The following CCDC69 variants were observed in gnomAD, a reference collection of about 807,000 sequenced individuals.
CCDC69 encodes coiled-coil domain containing 69, also known as coiled-coil domain-containing protein 69.
Under a neutral mutation model 40.3 loss-of-function variants are expected in CCDC69, and 38 were observed. That is an observed-to-expected ratio of 0.94 (90% CI 0.73 to 1.24). The LOEUF (loss-of-function observed/expected upper bound fraction) is 1.24, where lower values mean the gene tolerates loss of function less well. Among genes scored for constraint, CCDC69 ranks in the 50% most tolerant of loss-of-function variants. The probability of loss-of-function intolerance (pLI) is 0.00; values close to 1 mark genes in which losing one functional copy is unlikely to be tolerated. For missense variants in CCDC69, 389 were observed against 357.9 expected, an observed-to-expected ratio of 1.09 and a Z score of -0.70; for synonymous variants, 141 against 138.9, an observed-to-expected ratio of 1.02 and a Z score of -0.11.
Position 151,182,948 on chromosome 5 carries a change from A to T in CCDC69, c.*489T>A. 4.6e-6 allele frequency: 2 copies of T among 435,378 alleles called. No individual in the cohort carries two copies. Among genetic ancestry groups the T allele is most frequent in the Non-Finnish European group, 9.3e-6 (2 of 214,664 alleles). 27.0% of individuals were successfully genotyped at this position (435,378 alleles called of 1,614,324 possible). On this transcript the variant is annotated 3_prime_UTR_variant, in exon 9 of 9. Coordinates refer to ENST00000355417, the MANE Select transcript of CCDC69 (RefSeq NM_015621.3). ...TCCTAGAATGGGACACTGCAGTGAC[A>T]TAAGAGTCCTTTGACCAGTCCCCCC... is the stretch of plus-strand genomic sequence containing the variant.
chr5:151,201,130 A>G (rs1392497387), intron 3 of CCDC69, among the ~76,000 whole-genome samples: 1 of 152,236 alleles, frequency 6.6e-6, no homozygotes, highest in East Asian at 1.9e-4. Flanking sequence ...CCCAGAGATC[A>G]GGCTGATAGA....
chr5:151,222,090 G>A (rs1050317732), intron 1 of CCDC69, among the ~76,000 whole-genome samples: 1 of 152,252 alleles, frequency 6.6e-6, no homozygotes, highest in Non-Finnish European at 1.5e-5. Flanking sequence ...GAAGCACAGC[G>A]GGAGGAGGTG....
At chr5:151,192,438 C>T (rs1752627333) in intron 4 of CCDC69, among the ~76,000 whole-genome samples, 1 of 121,588 alleles carries the variant, frequency 8.2e-6, no homozygotes, top group South Asian at 2.6e-4. Context: ...ATGAATGTAA[C>T]AATTCTTCAA....
Position 151,186,069 on chromosome 5 carries a change from C to G in CCDC69, c.449G>C (p.Arg150Thr), listed in dbSNP as rs1752506128. 1 of 1,614,066 alleles carries G rather than the reference C, an allele frequency of 6.2e-7. No individual in the cohort carries two copies. Residue 150 changes from arginine (R) to threonine (T), a missense_variant, in exon 6 of 9, where the codon AGG becomes ACG. Arg to Thr is a moderately conservative substitution (Grantham distance 71). Transcript: ENST00000355417. ...QLEAFQAKMK[R>T]VEESILSRNY... ...TCGGCTCAGAATGGACTCCTCCACC[C>G]TCTTCATTTTGGCCTGGAAAGCCTC...
At position 151,201,473 on chromosome 5, in the gene CCDC69, T is replaced by C. The variant is rs114023577; in HGVS notation, c.231+109A>G. 2,080 of 672,376 alleles carry C rather than the reference T, an allele frequency of 3.1e-3. 28 individuals are homozygous for C. Among genetic ancestry groups the C allele is most frequent in the African/African-American group, 0.029 (1,613 of 55,036 alleles). The allele number at this position is 672,376 out of a possible 1,614,324, so 41.7% of individuals were successfully genotyped here. On this transcript the variant is annotated intron_variant, in intron 3 of 8. Coordinates refer to ENST00000355417, the MANE Select transcript of CCDC69 (RefSeq NM_015621.3). ...AGGACTCCCTTCCTGGTAAAATGAG[T>C]AAGGGACTCTTACAACAGCAACAAA...
chr5:151,184,282 C>T, intron 8 of CCDC69, 62 bp downstream of exon 8: 3 of 1,283,466 alleles, frequency 2.3e-6, no homozygotes, highest in South Asian at 2.4e-5. Context: ...TAAGACTCTC[C>T]CAGCTGGGAA....
chr5:151,186,013 T>A lies in CCDC69; in HGVS notation c.495+10A>T. ...CAAGGAGGAAAAGCGCCCAGGGTGC[T>A]GCCACCTACCTGGATATGTTTCTTA... On this transcript the variant is annotated intron_variant, in intron 6 of 8. Coordinates refer to ENST00000355417, the MANE Select transcript of CCDC69 (RefSeq NM_015621.3). 6.2e-7 allele frequency: 1 copy of A among 1,603,584 alleles called. No homozygotes were observed. The highest frequency in any genetic ancestry group is 2.2e-5 in the East Asian group (1 of 44,794).
At chr5:151,214,772 G>A (rs1279851274) in intron 1 of CCDC69, among the ~76,000 whole-genome samples, 3 of 152,124 alleles carry the variant, frequency 2.0e-5, no homozygotes, top group African/African-American at 4.8e-5. Flanking sequence ...GCTCCTATCT[G>A]ACCAACTGAT....
chr5:151,188,475 C>CAG (rs1752558803), intron 4 of CCDC69, among the ~76,000 whole-genome samples: 1 of 151,842 alleles, frequency 6.6e-6, no homozygotes, highest in Non-Finnish European at 1.5e-5. Flanking sequence ...CATGGTGGTG[C>CAG]AAGCCTGTAG....
At chr5:151,191,314 T>A (rs1037057212) in intron 4 of CCDC69, among the ~76,000 whole-genome samples, 1 of 152,174 alleles carries the variant, frequency 6.6e-6, no homozygotes, top group Non-Finnish European at 1.5e-5. Flanking sequence ...GCATTCCACA[T>A]AAAACAGCCT....
rs200423694 is a variant in CCDC69 at position 151,187,466 on chromosome 5, G to C, written c.320-7C>G. The C allele has an allele frequency of 3.0e-5, 49 of 1,611,194 alleles. No individual in the cohort carries two copies. In the East Asian group the frequency reaches 1.0e-3, roughly 34 times the overall value. ...TCATATGAGGCCCGGAGGACTGTAG[G>C]GAAAGGAGAACTCCATAAGCTCAAG... On this transcript the variant is annotated splice_region_variant and splice_polypyrimidine_tract_variant and intron_variant, in intron 4 of 8. Transcript: ENST00000355417.
In CCDC69 at chr5:151,182,736, G is replaced by A. The variant is rs151337253; in HGVS notation, c.*701C>T. The A allele has an allele frequency of 9.2e-4, 281 of 305,974 alleles. 2 individuals are homozygous for A. Among genetic ancestry groups the A allele is most frequent in the South Asian group, 2.5e-3 (91 of 35,832 alleles). 19.0% of individuals were successfully genotyped at this position (305,974 alleles called of 1,614,324 possible). On this transcript the variant is annotated 3_prime_UTR_variant, in exon 9 of 9. Transcript: ENST00000355417. ...TGCACCTTGCCTGGTAAAGGAAGAG[G>A]AGCTCTGGCTACTGTCCCTTGGTGG...
At chr5:151,198,945 C>T in intron 4 of CCDC69, 52 bp downstream of exon 4, 1 of 1,417,780 alleles carries the variant, frequency 7.1e-7, no homozygotes, top group Non-Finnish European at 1.0e-6. Flanking sequence ...CAGGTGGGGC[C>T]AGAAGGAAGC....
intron 4 of CCDC69, among the ~76,000 whole-genome samples, chr5:151,194,544 G>A (rs248444): frequency 0.7 from 106,048 of 152,044 alleles, 38,045 homozygotes; most frequent in Admixed American, 0.81. Context: ...ATTTTGAGAC[G>A]GCTTTTTGGG....
rs1156765180 is a variant in CCDC69 at position 151,182,948 on chromosome 5, A to G, written c.*489T>C. On this transcript the variant is annotated 3_prime_UTR_variant, in exon 9 of 9. Coordinates refer to ENST00000355417, the MANE Select transcript of CCDC69 (RefSeq NM_015621.3). ...TCCTAGAATGGGACACTGCAGTGAC[A>G]TAAGAGTCCTTTGACCAGTCCCCCC... 9.2e-6 allele frequency: 4 copies of G among 435,260 alleles called. No individual in the cohort carries two copies. Among genetic ancestry groups the G allele is most frequent in the African/African-American group, 6.0e-5 (3 of 49,628 alleles). 27.0% of individuals were successfully genotyped at this position (435,260 alleles called of 1,614,324 possible).
rs141310040 is a variant in CCDC69, at chr5:151,189,910, G to T, written c.320-2451C>A. ...GATGTGTTTTCTGTTTGTTCTCGCT[G>T]ATCTTTATCCTCTGTTTTCTCTTTC... is the stretch of plus-strand genomic sequence containing the variant. On this transcript the variant is annotated intron_variant, in intron 4 of 8. Coordinates refer to ENST00000355417, the MANE Select transcript of CCDC69 (RefSeq NM_015621.3). 2.6e-3 allele frequency among the ~76,000 whole-genome samples: 397 copies of T among 152,304 alleles called. 4 individuals carry two copies. The highest frequency in any genetic ancestry group is 9.3e-3 in the African/African-American group (385 of 41,548).
chr5:151,187,463 T>C lies in CCDC69; in HGVS notation c.320-4A>G, dbSNP rs539734088. The C allele has an allele frequency of 1.2e-6, 2 of 1,611,868 alleles. No individual in the cohort carries two copies. The highest frequency in any genetic ancestry group is 1.7e-6 in the Non-Finnish European group (2 of 1,179,320). On this transcript the variant is annotated splice_region_variant and splice_polypyrimidine_tract_variant and intron_variant, in intron 4 of 8. Coordinates refer to ENST00000355417, the MANE Select transcript of CCDC69 (RefSeq NM_015621.3). ...TGTTCATATGAGGCCCGGAGGACTG[T>C]AGGGAAAGGAGAACTCCATAAGCTC...
intron 1 of CCDC69, among the ~76,000 whole-genome samples, chr5:151,206,417 A>G (rs1448252731): frequency 3.9e-5 from 6 of 152,162 alleles, no homozygotes; most frequent in Admixed American, 3.9e-4. Context: ...TCAATTTGAC[A>G]TTCTAGTCCC....
chr5:151,223,616 C>A (rs578221480), intron 1 of CCDC69, among the ~76,000 whole-genome samples: 1 of 152,212 alleles, frequency 6.6e-6, no homozygotes, highest in Non-Finnish European at 1.5e-5. Flanking sequence ...AGCGAACAGC[C>A]CCAGACCGAA....
Sources: allele counts gnomAD v4.1 joint callset (sites outside exome capture counted in the v4.1 genomes callset), GRCh38; gene constraint gnomAD v4.1.1; transcripts MANE v1.5; gene names NCBI Gene and HGNC (gene_info 2026-07-23, HGNC 2026-07-21).